The following ZNF543 variants were observed in gnomAD, a reference collection of about 807,000 sequenced individuals.
ZNF543 encodes the protein zinc finger protein 543.
A neutral mutation model predicts 13.4 loss-of-function variants in ZNF543; 10 were observed. The observed-to-expected ratio is 0.75, with a 90% CI of 0.46 to 1.26. The LOEUF (loss-of-function observed/expected upper bound fraction) is 1.26, where lower values mean the gene tolerates loss of function less well. Ranked by LOEUF, ZNF543 falls within the 50% of genes most tolerant of loss-of-function variation. The pLI is 0.00. For synonymous variants in ZNF543, 272 were observed against 264.7 expected, an observed-to-expected ratio of 1.03 and a Z score of -0.27; for missense variants, 768 against 741.2, an observed-to-expected ratio of 1.04 and a Z score of -0.42.
intron 2 of ZNF543, among the ~76,000 whole-genome samples, chr19:57,324,172 A>ATTTC (rs2088107199): frequency 6.6e-6 from 1 of 152,122 alleles, no homozygotes; most frequent in African/African-American, 2.4e-5. Flanking sequence ...CAACATGGTG[A>ATTTC]AATCCCGTCT....
intron 1 of ZNF543, among the ~76,000 whole-genome samples, chr19:57,321,292 C>T (rs1163720428): frequency 6.6e-6 from 1 of 152,198 alleles, no homozygotes; most frequent in Non-Finnish European, 1.5e-5. Context: ...GAACACTGCC[C>T]CTATAACTTC....
At chr19:57,321,515 T>C (rs2088089908) in intron 1 of ZNF543, among the ~76,000 whole-genome samples, 1 of 152,214 alleles carries the variant, frequency 6.6e-6, no homozygotes, top group Admixed American at 6.5e-5. Flanking sequence ...AACGAAATAA[T>C]TGCAAAGAGT....
chr19:57,330,526 TAA>T lies in ZNF543; in HGVS notation c.*1263_*1264del, dbSNP rs2088156726. ...GAAGGAATGTCATTTTTAATCTTTTTAAAGAGTGTGTGAAAATTCACTTTAAC... is the reference window on the plus strand; with the variant it reads ...GAAGGAATGTCATTTTTAATCTTTTTAGAGTGTGTGAAAATTCACTTTAAC... On this transcript the variant is annotated 3_prime_UTR_variant, in exon 4 of 4. Coordinates refer to ENST00000321545, the MANE Select transcript of ZNF543 (RefSeq NM_213598.4). 6.6e-6 allele frequency: 1 copy of T among 152,148 alleles called. No individual in the cohort carries two copies. The highest frequency in any genetic ancestry group is 6.5e-5 in the Admixed American group (1 of 15,272). 9.4% of individuals were successfully genotyped at this position (152,148 alleles called of 1,614,324 possible). A position where few individuals can be genotyped will look rare whatever the true frequency, so the allele number is the denominator to read the frequency against.
chr19:57,327,545 A>G (rs542777935), intron 3 of ZNF543, among the ~76,000 whole-genome samples, 159 bp from the exon 4 acceptor site: 3 of 88,102 alleles, frequency 3.4e-5, no homozygotes, highest in South Asian at 4.0e-4. Flanking sequence ...GGGTTTCACC[A>G]TGTTGGCCAG....
At chr19:57,321,305 A>G (rs2088088726) in intron 1 of ZNF543, among the ~76,000 whole-genome samples, 1 of 152,158 alleles carries the variant, frequency 6.6e-6, no homozygotes, top group South Asian at 2.1e-4. Context: ...ATAACTTCGC[A>G]GGGCCTCCCT....
rs1041231699 is a variant in ZNF543, at chr19:57,329,447, A to G, written c.*182A>G. ...CCATGAGAGAGACCCAGTGGTTGCT[A>G]TGCACTTAGGAAAACTTTCAGCCAC... On this transcript the variant is annotated 3_prime_UTR_variant, in exon 4 of 4. Transcript: ENST00000321545. 2.9e-5 allele frequency: 20 copies of G among 696,804 alleles called. No homozygotes were observed. The highest frequency in any genetic ancestry group is 4.3e-5 in the Non-Finnish European group (19 of 445,690). The allele number at this position is 696,804 out of a possible 1,614,324, so 43.2% of individuals were successfully genotyped here. A position where few individuals can be genotyped will look rare whatever the true frequency, so the allele number is the denominator to read the frequency against.
intron 2 of ZNF543, among the ~76,000 whole-genome samples, chr19:57,325,799 G>A (rs7343126): frequency 0.2 from 31,142 of 152,116 alleles, 3,251 homozygotes; most frequent in East Asian, 0.31. Context: ...GATTACAAGC[G>A]TGAGCCACTG....
chr19:57,328,461 C>T lies in ZNF543; in HGVS notation c.999C>T (p.His333=), dbSNP rs1226638593. The change falls in exon 4 of 4, where the codon CAC becomes CAT. Residue 333 remains histidine, a synonymous_variant. Transcript: ENST00000321545. The part of the protein sequence containing the change: ...RPGFIRHYII[H]TGEKPYECIE... ...GTTTCATTCGACACTACATCATCCA[C>T]ACGGGAGAGAAGCCCTATGAGTGCA... 8.7e-6 allele frequency: 14 copies of T among 1,614,102 alleles called. No homozygotes were observed. Among genetic ancestry groups the T allele is most frequent in the African/African-American group, 1.3e-5 (1 of 74,922 alleles).
At position 57,328,505 on chromosome 19, in the gene ZNF543, T is replaced by TCAACCGCCGGTCATACCTC. The variant is rs2088139407; in HGVS notation, c.1044_1062dup (p.Thr355GlnfsTer20). 6.2e-7 allele frequency: 1 copy of TCAACCGCCGGTCATACCTC among 1,614,204 alleles called. No homozygotes were observed. Among genetic ancestry groups the TCAACCGCCGGTCATACCTC allele is most frequent in the Admixed American group, 1.7e-5 (1 of 60,020 alleles). ...GAGTGCATTGAGTGTGGGAAGGCCT[T>TCAACCGCCGGTCATACCTC]CAACCGCCGGTCATACCTCACGTGG... On this transcript the variant is annotated frameshift_variant, in exon 4 of 4. Coordinates refer to ENST00000321545, the MANE Select transcript of ZNF543 (RefSeq NM_213598.4). LOFTEE classifies it low-confidence loss of function (END_TRUNC).
At chr19:57,321,603 C>T (rs1483374866) in intron 1 of ZNF543, among the ~76,000 whole-genome samples, 1 of 152,200 alleles carries the variant, frequency 6.6e-6, no homozygotes, top group Non-Finnish European at 1.5e-5. Flanking sequence ...TAATCCTGAA[C>T]TCCTTAGAAT....
At chr19:57,322,092 A>G (rs887757688) in intron 1 of ZNF543, among the ~76,000 whole-genome samples, 1 of 152,172 alleles carries the variant, frequency 6.6e-6, no homozygotes, top group Non-Finnish European at 1.5e-5. Flanking sequence ...TCTCATGGCT[A>G]CAACCTGCTG....
At position 57,320,975 on chromosome 19, in the gene ZNF543, GTTTA is replaced by G. The variant is rs200567536; in HGVS notation, c.18+109_18+112del. The G allele has an allele frequency of 2.1e-3, 3,203 of 1,509,334 alleles. 58 individuals are homozygous for G. In the African/African-American group the frequency reaches 0.038, roughly 18 times the overall value. 93.5% of individuals were successfully genotyped at this position (1,509,334 alleles called of 1,614,324 possible). A position where few individuals can be genotyped will look rare whatever the true frequency, so the allele number is the denominator to read the frequency against. On this transcript the variant is annotated intron_variant, in intron 1 of 3. Coordinates refer to ENST00000321545, the MANE Select transcript of ZNF543 (RefSeq NM_213598.4). The stretch of plus-strand genomic sequence containing the variant: ...CACAGGATGTTTCTTTGTCGCCGTC[GTTTA>G]TTTAAGAGAAGTGGCCGTAGCTTGT...
intron 1 of ZNF543, 128 bp from the exon 2 acceptor site, chr19:57,323,554 G>A: frequency 8.3e-7 from 1 of 1,199,056 alleles, no homozygotes; most frequent in Non-Finnish European, 1.2e-6. Context: ...ACAGATCATG[G>A]CCCTCTAGAG....
In ZNF543 at chr19:57,330,620, T is replaced by C. The variant is rs1401967713; in HGVS notation, c.*1355T>C. On this transcript the variant is annotated 3_prime_UTR_variant, in exon 4 of 4. Coordinates refer to ENST00000321545, the MANE Select transcript of ZNF543 (RefSeq NM_213598.4). ...TGTGTGACTTTCACAGTTGTCACCA[T>C]GGACTTAGGCTTGATTAAAATGCTA... is the stretch of plus-strand genomic sequence containing the variant. 1 of 152,224 alleles carries C rather than the reference T, an allele frequency of 6.6e-6. No homozygotes were observed. Among genetic ancestry groups the C allele is most frequent in the East Asian group, 1.9e-4 (1 of 5,198 alleles). The allele number at this position is 152,224 out of a possible 1,614,324, so 9.4% of individuals were successfully genotyped here.
At position 57,320,824 on chromosome 19, in the gene ZNF543, CG is replaced by C. The variant is rs1392296803; in HGVS notation, c.-27del. 6.2e-7 allele frequency: 1 copy of C among 1,613,110 alleles called. No homozygotes were observed. Among genetic ancestry groups the C allele is most frequent in the African/African-American group, 1.3e-5 (1 of 74,904 alleles). On this transcript the variant is annotated 5_prime_UTR_variant, in exon 1 of 4. Transcript: ENST00000321545. ...GGGGTCGGCTGAGCCGCGGCATTCC[CG>C]GGCCCCGCTAGGGCTGCAGGGTCTC...
rs1047663420 is a variant in ZNF543 at position 57,320,554 on chromosome 19, C to A, written c.-300C>A. On this transcript the variant is annotated 5_prime_UTR_variant, in exon 1 of 4. The change creates a new upstream start codon in the 5' untranslated region. Transcript: ENST00000321545. Reference sequence around the variant, plus strand: ...CCGCTGGGTAGGCGCGTCCAGCGGCCTGAGCAGGGGAGGGTAATGAGGCTG... The same window carrying A: ...CCGCTGGGTAGGCGCGTCCAGCGGCATGAGCAGGGGAGGGTAATGAGGCTG... The A allele has an allele frequency of 5.2e-5, 21 of 404,410 alleles. No homozygotes were observed. The highest frequency in any genetic ancestry group is 3.0e-4 in the African/African-American group (14 of 47,428). The allele number at this position is 404,410 out of a possible 1,614,324, so 25.1% of individuals were successfully genotyped here.
chr19:57,326,859 CCCCG>C (rs200619809), intron 3 of ZNF543, 131 bp downstream of exon 3: 27 of 615,388 alleles, frequency 4.4e-5, no homozygotes, highest in African/African-American at 7.1e-5. Context: ...TGGAGCCTCT[CCCCG>C]CCCGCCCCCC....
At chr19:57,323,065 C>T (rs182642518) in intron 1 of ZNF543, among the ~76,000 whole-genome samples, 116 of 152,186 alleles carry the variant, frequency 7.6e-4, no homozygotes, top group African/African-American at 2.7e-3. Flanking sequence ...TGTTATTATT[C>T]TTTCCCATTC....
chr19:57,325,469 A>G (rs746833477), intron 2 of ZNF543, among the ~76,000 whole-genome samples: 9 of 152,188 alleles, frequency 5.9e-5, no homozygotes, highest in Non-Finnish European at 7.3e-5. Context: ...TGAAGGAAAT[A>G]TATTATCTCA....
Sources: allele counts gnomAD v4.1 joint callset (sites outside exome capture counted in the v4.1 genomes callset), GRCh38; gene constraint gnomAD v4.1.1; transcripts MANE v1.5; gene names NCBI Gene and HGNC (gene_info 2026-07-23, HGNC 2026-07-21).